The following VPS16 variants were observed in gnomAD, a reference collection of about 807,000 sequenced individuals.
The protein encoded by VPS16 is vacuolar protein sorting-associated protein 16 homolog.
VPS16 carries 82 observed loss-of-function variants against 116.0 expected under a neutral mutation model. That is an observed-to-expected ratio of 0.71 (90% CI 0.59 to 0.85). The LOEUF (loss-of-function observed/expected upper bound fraction) is 0.85, where lower values mean the gene tolerates loss of function less well. Among genes scored for constraint, VPS16 ranks in the 40% least tolerant of loss-of-function variants. VPS16 has a pLI of 0.00. For synonymous variants in VPS16, 406 were observed against 420.7 expected (o/e 0.96, Z 0.43); for missense variants, 928 against 1,090.6 (o/e 0.85, Z 2.10).
At position 2,863,840 on chromosome 20, in the gene VPS16, G is replaced by GAAA; in HGVS notation, c.1477-107_1477-106insAAA. 1 of 1,200,814 alleles carries GAAA rather than the reference G, an allele frequency of 8.3e-7. No homozygotes were observed. Among genetic ancestry groups the GAAA allele is most frequent in the Non-Finnish European group, 1.1e-6 (1 of 881,202 alleles). 74.4% of individuals were successfully genotyped at this position (1,200,814 alleles called of 1,614,324 possible). The stretch of plus-strand genomic sequence containing the variant: ...AAGAAAGAGAGAAAGAAAGAAAGAA[G>GAAA]AAGGAAGGGAGGGAGGAAGGGAACT... On this transcript the variant is annotated intron_variant, in intron 15 of 23. Transcript: ENST00000380445. The surrounding 1 kb of genome is among the most constrained non-coding windows in gnomAD (Gnocchi z 4.4).
chr20:2,840,946 C>T (rs2088963111), intron 1 of VPS16, 119 bp downstream of exon 1: 5 of 1,007,164 alleles, frequency 5.0e-6, no homozygotes, highest in Non-Finnish European at 7.2e-6. Flanking sequence ...CGCGCCGGCT[C>T]TCCCCGAGCG....
chr20:2,841,171 G>C (rs562656070), intron 1 of VPS16: 117 of 343,544 alleles, frequency 3.4e-4, no homozygotes, highest in African/African-American at 2.4e-3. Context: ...CCACAGGGGC[G>C]CTCCGAGGGG....
At chr20:2,843,792 G>T (rs1356819077) in intron 1 of VPS16, among the ~76,000 whole-genome samples, 1 of 152,196 alleles carries the variant, frequency 6.6e-6, no homozygotes, top group African/African-American at 2.4e-5. Context: ...TATGTGTTGG[G>T]TGCATGCCAC....
Position 2,864,895 on chromosome 20 carries a change from A to T in VPS16, c.1927-83A>T. 1 of 1,580,114 alleles carries T rather than the reference A, an allele frequency of 6.3e-7. No individual in the cohort carries two copies. Among genetic ancestry groups the T allele is most frequent in the Non-Finnish European group, 8.7e-7 (1 of 1,152,030 alleles). On this transcript the variant is annotated intron_variant, in intron 19 of 23. Coordinates refer to ENST00000380445, the MANE Select transcript of VPS16 (RefSeq NM_022575.4). This position sits in a 1 kb window ranked among gnomAD's most constrained non-coding sequence, Gnocchi z 5.2. ...GACCCTGGCGACCCTGGGCACAGGG[A>T]TGGGGGAGAAGACTGTAGCCTGGGT...
chr20:2,863,929 A>T lies in VPS16; in HGVS notation c.1477-20A>T. 1 of 1,609,558 alleles carries T rather than the reference A, an allele frequency of 6.2e-7. No individual in the cohort carries two copies. The highest frequency in any genetic ancestry group is 1.7e-5 in the Admixed American group (1 of 59,874). On this transcript the variant is annotated intron_variant, in intron 15 of 23. Transcript: ENST00000380445. The surrounding 1 kb of genome is among the most constrained non-coding windows in gnomAD (Gnocchi z 4.4). ...GAGGAATGGCATCCAGATGTTTGTG[A>T]CACCCCGCATCCCTTGCAGGTGCAA...
chr20:2,864,552 T>C lies in VPS16; in HGVS notation c.1824T>C (p.Cys608=), dbSNP rs1422217515. ...TTGCCTGCCTGTGGCCCCAGTTCTGTAAGCATCAGGAGCTAGAGACGCTGA... is the reference window on the plus strand; with the variant it reads ...TTGCCTGCCTGTGGCCCCAGTTCTGCAAGCATCAGGAGCTAGAGACGCTGA... ...PMALSLYRQF[C]KHQELETLKD... The change falls in exon 19 of 24, where the codon TGT becomes TGC. Residue 608 remains cysteine, a synonymous_variant. Transcript: ENST00000380445. The surrounding 1 kb of genome is among the most constrained non-coding windows in gnomAD (Gnocchi z 5.2). 1 of 1,614,152 alleles carries C rather than the reference T, an allele frequency of 6.2e-7. No homozygotes were observed. The highest frequency in any genetic ancestry group is 8.5e-7 in the Non-Finnish European group (1 of 1,180,028).
chr20:2,856,840 GT>G (rs2089176261), intron 1 of VPS16, among the ~76,000 whole-genome samples: 1 of 151,986 alleles, frequency 6.6e-6, no homozygotes, highest in Non-Finnish European at 1.5e-5. Context: ...CAAAATAATA[GT>G]TTTAATTAAT....
In VPS16 at chr20:2,862,949, G is replaced by A. The variant is rs375272454; in HGVS notation, c.1331+15G>A. 58 of 1,613,690 alleles carry A rather than the reference G, an allele frequency of 3.6e-5. No individual in the cohort carries two copies. The African/African-American group carries it at 3.7e-4, about 10-fold the overall frequency. On this transcript the variant is annotated intron_variant, in intron 13 of 23. Coordinates refer to ENST00000380445, the MANE Select transcript of VPS16 (RefSeq NM_022575.4). The stretch of plus-strand genomic sequence containing the variant: ...ACCTATAGCCAGTATCCCTGTGCAC[G>A]CCAGAAGGGTACCCTACAGCCAGGG...
chr20:2,862,526 A>AT (rs1330270171), intron 11 of VPS16, 53 bp from the exon 12 acceptor site: 2 of 1,590,550 alleles, frequency 1.3e-6, no homozygotes, highest in Non-Finnish European at 1.7e-6. Flanking sequence ...TAGGGGCCAG[A>AT]TGTGGGAGTG....
chr20:2,841,968 T>C lies in VPS16; in HGVS notation c.53+1141T>C, dbSNP rs144773284. ...TGAGGTTTCACCATGGTGGCCAGGCTGGTCTTGAACTTCTGACCTTAAGCA... is the reference window on the plus strand; with the variant it reads ...TGAGGTTTCACCATGGTGGCCAGGCCGGTCTTGAACTTCTGACCTTAAGCA... On this transcript the variant is annotated intron_variant, in intron 1 of 23. Transcript: ENST00000380445. 2.6e-3 allele frequency among the ~76,000 whole-genome samples: 393 copies of C among 152,282 alleles called. 2 individuals carry two copies. The South Asian group carries it at 0.027, about 10-fold the overall frequency.
In VPS16 at chr20:2,860,766, C is replaced by G; in HGVS notation, c.533C>G (p.Ser178Cys). 1.2e-6 allele frequency: 2 copies of G among 1,613,988 alleles called. No individual in the cohort carries two copies. The highest frequency in any genetic ancestry group is 1.1e-5 in the South Asian group (1 of 91,088). ...GCCATAGGTCTGCAAAGTGCACCCT[C>G]CTGCTGGACTGTGCTGTGCCAGGAC... ...PEVPGLQSAP[S>C]CWTVLCQDRV... Residue 178 changes from serine to cysteine, a missense_variant, in exon 6 of 24, where the codon TCC (serine) becomes TGC (cysteine). Coordinates refer to ENST00000380445, the MANE Select transcript of VPS16 (RefSeq NM_022575.4). This position sits in a 1 kb window ranked among gnomAD's most constrained non-coding sequence, Gnocchi z 6.1.
chr20:2,841,000 CT>C, intron 1 of VPS16, 173 bp downstream of exon 1: 1 of 620,134 alleles, frequency 1.6e-6, no homozygotes, highest in Non-Finnish European at 2.8e-6. Context: ...GGAGCCGGGC[CT>C]TCCCCTGCTC....
intron 1 of VPS16, among the ~76,000 whole-genome samples, chr20:2,857,836 G>T (rs964833325): frequency 2.7e-5 from 4 of 149,762 alleles, no homozygotes; most frequent in African/African-American, 9.9e-5. Flanking sequence ...TCAGCCTCCC[G>T]AGTAGCTGGG....
intron 1 of VPS16, among the ~76,000 whole-genome samples, chr20:2,853,145 C>A (rs1226078820): frequency 6.6e-6 from 1 of 152,182 alleles, no homozygotes; most frequent in East Asian, 1.9e-4. Context: ...AGTCCCAGCA[C>A]TTTAGGAGGC....
At chr20:2,859,995 C>G in intron 2 of VPS16, 59 bp from the exon 3 acceptor site, 1 of 1,601,682 alleles carries the variant, frequency 6.2e-7, no homozygotes, top group Non-Finnish European at 8.5e-7. Context: ...GATGTGAGGC[C>G]TGCTTCACAT....
chr20:2,859,614 A>G (rs1214791096), intron 1 of VPS16, 105 bp from the exon 2 acceptor site: 4 of 1,331,848 alleles, frequency 3.0e-6, no homozygotes, highest in African/African-American at 2.9e-5. Context: ...GACTTCCTCT[A>G]CAGCCTTGTG....
rs1180053567 is a variant in VPS16, at chr20:2,850,991, AAT to A, written c.54-8725_54-8724del. Among the ~76,000 whole-genome samples, 4 of 151,340 alleles carry A rather than the reference AAT, an allele frequency of 2.6e-5. No individual in the cohort carries two copies. In the East Asian group the frequency reaches 5.8e-4, roughly 22 times the overall value. ...AAAAAAAAAAAAAAAAAAGAAAAAG[AAT>A]ATGAGATATAAGAAAATTTTATGAT... On this transcript the variant is annotated intron_variant, in intron 1 of 23. Coordinates refer to ENST00000380445, the MANE Select transcript of VPS16 (RefSeq NM_022575.4).
chr20:2,850,705 C>T (rs1052602646), intron 1 of VPS16, among the ~76,000 whole-genome samples: 1 of 151,800 alleles, frequency 6.6e-6, no homozygotes, highest in Non-Finnish European at 1.5e-5. Context: ...TGGTAGCTCA[C>T]GCCTGTAATC....
intron 22 of VPS16, 108 bp from the exon 23 acceptor site, chr20:2,866,104 C>A: frequency 1.1e-6 from 1 of 933,052 alleles, no homozygotes; most frequent in Admixed American, 2.0e-5. Context: ...CGGGTGTATA[C>A]ATATAGAATA....
Sources: gnomAD v4.1 joint callset for allele counts (sites outside exome capture counted in the v4.1 genomes callset) on GRCh38, gnomAD v4.1.1 for gene constraint, Gnocchi (gnomAD v3.1) non-coding constraint, MANE v1.5 for transcripts, NCBI Gene and HGNC (gene_info 2026-07-23, HGNC 2026-07-21) for gene names.